Variants in CUL4A observed in about 807,000 individuals in gnomAD.
CUL4A encodes the protein cullin 4A, also known as cullin-4A.
CUL4A carries 16 observed loss-of-function variants against 95.5 expected under a neutral mutation model. The ratio of observed to expected loss-of-function variants is 0.17; its 90% CI spans 0.11 to 0.25. The LOEUF (loss-of-function observed/expected upper bound fraction) is 0.25, where lower values mean the gene tolerates loss of function less well. CUL4A is among the 10% of genes least tolerant of loss of function. The pLI, the probability that CUL4A is intolerant of heterozygous loss-of-function variation, is 1.00. For synonymous variants in CUL4A, 380 were observed against 353.1 expected (o/e 1.08, Z -0.85); for missense variants, 610 against 937.0 (o/e 0.65, Z 4.56).
intron 3 of CUL4A, among the ~76,000 whole-genome samples, chr13:113,224,935 G>A (rs772162706): frequency 3.9e-5 from 6 of 152,252 alleles, no homozygotes; most frequent in Non-Finnish European, 1.5e-5. Flanking sequence ...ACAGGCAGCA[G>A]ATGGGCCACT....
At chr13:113,221,321 A>G (rs769505488) in intron 3 of CUL4A, among the ~76,000 whole-genome samples, 1 of 152,218 alleles carries the variant, frequency 6.6e-6, no homozygotes, top group Non-Finnish European at 1.5e-5. Context: ...TAGATTGTTC[A>G]TGGAGGTCAC....
chr13:113,239,685 G>GAT, intron 10 of CUL4A, 134 bp downstream of exon 10: 1 of 625,888 alleles, frequency 1.6e-6, no homozygotes, highest in East Asian at 2.9e-5. Flanking sequence ...CATCACAGAT[G>GAT]ATAGGGTGGA....
Position 113,232,163 on chromosome 13 carries a change from ACTACCCGC to A in CUL4A, c.513-1012_513-1005del, listed in dbSNP as rs1266921814. Among the ~76,000 whole-genome samples the A allele has an allele frequency of 1.3e-3, 174 of 136,562 alleles. 52 individuals carry two copies. Among genetic ancestry groups the A allele is most frequent in the African/African-American group, 5.4e-3 (168 of 30,884 alleles). The allele number at this position is 136,562 out of a possible 152,430, so 89.6% of individuals were successfully genotyped here. A position where few individuals can be genotyped will look rare whatever the true frequency, so the allele number is the denominator to read the frequency against. ...GCCCACCACCATTACTGCTGCCACC[ACTACCCGC>A]CCACCACCATTACTGCTGCCACCAC... On this transcript the variant is annotated intron_variant, in intron 5 of 19. Coordinates refer to ENST00000375440, the MANE Select transcript of CUL4A (RefSeq NM_001008895.4).
intron 3 of CUL4A, among the ~76,000 whole-genome samples, chr13:113,220,382 A>C (rs1301596204): frequency 1.3e-5 from 2 of 152,232 alleles, no homozygotes; most frequent in Non-Finnish European, 2.9e-5. Context: ...GAGGTCGTTC[A>C]AGAGATCAGT....
intron 15 of CUL4A, among the ~76,000 whole-genome samples, chr13:113,248,633 G>C (rs999890837): frequency 1.2e-4 from 18 of 152,054 alleles, no homozygotes; most frequent in Non-Finnish European, 2.6e-4. Context: ...ACGGGCTGTT[G>C]GTTCCAGGAC....
intron 2 of CUL4A, among the ~76,000 whole-genome samples, chr13:113,216,966 A>G (rs1371513079): frequency 1.3e-5 from 2 of 152,212 alleles, no homozygotes; most frequent in Non-Finnish European, 2.9e-5. Context: ...AGTAAATTGC[A>G]GTATGACTCA....
chr13:113,225,747 G>T (rs2041079701), intron 3 of CUL4A, among the ~76,000 whole-genome samples: 1 of 152,244 alleles, frequency 6.6e-6, no homozygotes, highest in African/African-American at 2.4e-5. Flanking sequence ...CAGGATGGCT[G>T]TTGGGGGTCC....
upstream of CUL4A, chr13:113,209,004 T>A (rs1346563399): frequency 2.2e-5 from 16 of 726,992 alleles, no homozygotes; most frequent in Non-Finnish European, 2.7e-5. Context: ...CCTCCGCGCC[T>A]GGCTGGGCCA....
upstream of CUL4A, chr13:113,208,263 G>T: frequency 6.9e-7 from 1 of 1,441,764 alleles, no homozygotes. Context: ...CCCTCGGCGT[G>T]GCCCGCAGGC....
upstream of CUL4A, among the ~76,000 whole-genome samples, chr13:113,209,112 C>A (rs2040212043): frequency 6.6e-6 from 1 of 150,670 alleles, no homozygotes. Context: ...GCTCCCGAGC[C>A]TGCAGGAGTT....
chr13:113,240,708 G>A (rs1296057083), intron 10 of CUL4A, among the ~76,000 whole-genome samples: 2 of 152,140 alleles, frequency 1.3e-5, no homozygotes, highest in East Asian at 1.9e-4. Context: ...CAGGGTGTAG[G>A]GATGGGGCAG....
chr13:113,208,799 G>A (rs1317112851), upstream of CUL4A: 6 of 1,414,180 alleles, frequency 4.2e-6, no homozygotes, highest in African/African-American at 4.5e-5. Flanking sequence ...CGACGCGCTC[G>A]GGCTGAGGGG....
Position 113,210,102 on chromosome 13 carries a change from CG to C in CUL4A, c.264+18del. 6.7e-7 allele frequency: 1 copy of C among 1,481,948 alleles called. No homozygotes were observed. Among genetic ancestry groups the C allele is most frequent in the Non-Finnish European group, 9.0e-7 (1 of 1,112,692 alleles). The allele number at this position is 1,481,948 out of a possible 1,614,324, so 91.8% of individuals were successfully genotyped here. A position where few individuals can be genotyped will look rare whatever the true frequency, so the allele number is the denominator to read the frequency against. ...GAGCTCTACCAGGTGAGGCGGCGGC[CG>C]GGGCTGGGGACGCCGCTCCTGCCCC... On this transcript the variant is annotated intron_variant, in intron 2 of 19. Coordinates refer to ENST00000375440, the MANE Select transcript of CUL4A (RefSeq NM_001008895.4).
chr13:113,251,878 G>C lies in CUL4A; in HGVS notation c.1639-1204G>C, dbSNP rs369197625. Among the ~76,000 whole-genome samples the C allele has an allele frequency of 7.9e-4, 121 of 152,316 alleles. 1 individual carries two copies. The East Asian group carries it at 0.018, about 23-fold the overall frequency. ...TACAAGACGTATAGGTGGATGCTGA[G>C]TCCCGGAGCATTGGCATTTGTGGAG... On this transcript the variant is annotated intron_variant, in intron 15 of 19. Transcript: ENST00000375440.
chr13:113,251,990 C>G (rs1277556575), intron 15 of CUL4A, among the ~76,000 whole-genome samples: 3 of 152,140 alleles, frequency 2.0e-5, no homozygotes, highest in Non-Finnish European at 2.9e-5. Flanking sequence ...GTGCGCAGCA[C>G]AGACGTGTCG....
chr13:113,230,076 C>T lies in CUL4A; in HGVS notation c.512+557C>T, dbSNP rs539550164. The T allele has an allele frequency of 2.1e-5, 4 of 188,632 alleles. No individual in the cohort carries two copies. The East Asian group carries it at 3.9e-4, about 18-fold the overall frequency. 11.7% of individuals were successfully genotyped at this position (188,632 alleles called of 1,614,324 possible). A position where few individuals can be genotyped will look rare whatever the true frequency, so the allele number is the denominator to read the frequency against. On this transcript the variant is annotated intron_variant, in intron 5 of 19. Coordinates refer to ENST00000375440, the MANE Select transcript of CUL4A (RefSeq NM_001008895.4). ...TGTGTCCTCTGTGGCCACCCCATGG[C>T]GCTGAATCCTGCCGCCTCCTGCAAG...
chr13:113,208,454 T>A (rs2040117929), upstream of CUL4A: 1 of 1,522,568 alleles, frequency 6.6e-7, no homozygotes, highest in African/African-American at 1.4e-5. Flanking sequence ...GCTGTTCGGC[T>A]CGCGCGGCTG....
chr13:113,257,844 T>C (rs1471850139), intron 18 of CUL4A, among the ~76,000 whole-genome samples: 3 of 152,240 alleles, frequency 2.0e-5, no homozygotes, highest in Non-Finnish European at 4.4e-5. Context: ...ATTATTTTAG[T>C]ATCTGAAAAC....
upstream of CUL4A, chr13:113,208,283 C>G (rs553602049): frequency 7.9e-5 from 113 of 1,432,708 alleles, no homozygotes; most frequent in South Asian, 2.6e-4. Flanking sequence ...CCCTTCGGAC[C>G]GCCTGGGAGC....
Sources: gnomAD v4.1 joint callset for allele counts (sites outside exome capture counted in the v4.1 genomes callset) on GRCh38, gnomAD v4.1.1 for gene constraint, MANE v1.5 for transcripts, NCBI Gene and HGNC (gene_info 2026-07-23, HGNC 2026-07-21) for gene names.